The following ABTB3 variants were observed in gnomAD, a reference collection of about 807,000 sequenced individuals.
ABTB3 encodes ankyrin repeat- and BTB/POZ domain-containing protein 3.
chr12:107,568,600 G>T, the ABTB3 span, among the ~76,000 whole-genome samples: 39,402 of 152,000 alleles, frequency 0.26, 5,229 homozygotes, highest in East Asian at 0.32. Context: ...TAGCCACTGA[G>T]GTTCGTAGCT....
At chr12:107,567,538 T>G in the ABTB3 span, among the ~76,000 whole-genome samples, 1 of 152,230 alleles carries the variant, frequency 6.6e-6, no homozygotes, top group African/African-American at 2.4e-5. Context: ...GCTTGTAGCC[T>G]AGGAGCAATA....
At chr12:107,364,533 C>T in the ABTB3 span, among the ~76,000 whole-genome samples, 1 of 151,992 alleles carries the variant, frequency 6.6e-6, no homozygotes, top group African/African-American at 2.4e-5. Flanking sequence ...TCAGGTGATC[C>T]GCCCGCTTCA....
At chr12:107,520,700 A>G in the ABTB3 span, 4 of 1,589,932 alleles carry the variant, frequency 2.5e-6, no homozygotes, top group South Asian at 4.5e-5. Context: ...GCCCGAAGTG[A>G]CACAATGTCC....
At chr12:107,620,215 G>C in the ABTB3 span, 1 of 1,597,692 alleles carries the variant, frequency 6.3e-7, no homozygotes, top group East Asian at 2.2e-5. Context: ...CAAAGCTGGA[G>C]GTTCCCAGAT....
At chr12:107,328,764 G>A in the ABTB3 span, among the ~76,000 whole-genome samples, 848 of 152,316 alleles carry the variant, frequency 5.6e-3, 9 homozygotes, top group African/African-American at 0.019. Context: ...AAGCCTGTGC[G>A]CTGAACTGCC....
At chr12:107,619,903 G>T in the ABTB3 span, 7 of 1,321,114 alleles carry the variant, frequency 5.3e-6, no homozygotes, top group African/African-American at 3.0e-5. Flanking sequence ...ATAAAAACTC[G>T]CCTGCTCCTC....
chr12:107,434,011 A>G, the ABTB3 span, among the ~76,000 whole-genome samples: 3 of 152,132 alleles, frequency 2.0e-5, no homozygotes, highest in Non-Finnish European at 4.4e-5. Context: ...TGAGGGCTCC[A>G]TCCTCATGAC....
chr12:107,606,134 G>C, the ABTB3 span, among the ~76,000 whole-genome samples: 1 of 152,144 alleles, frequency 6.6e-6, no homozygotes, highest in African/African-American at 2.4e-5. Context: ...GCAGGATGGG[G>C]GGTCAGGTCA....
At chr12:107,402,715 G>A in the ABTB3 span, among the ~76,000 whole-genome samples, 36 of 152,198 alleles carry the variant, frequency 2.4e-4, no homozygotes, top group Non-Finnish European at 4.0e-4. Context: ...CTGGTGGGAG[G>A]TTGTGGGCCT....
the ABTB3 span, among the ~76,000 whole-genome samples, chr12:107,417,351 C>G: frequency 6.6e-6 from 1 of 152,328 alleles, no homozygotes; most frequent in South Asian, 2.1e-4. Context: ...TCACCTCTTC[C>G]AGCTTGACTT....
At chr12:107,481,459 G>T in the ABTB3 span, among the ~76,000 whole-genome samples, 1 of 152,136 alleles carries the variant, frequency 6.6e-6, no homozygotes, top group Non-Finnish European at 1.5e-5. Context: ...TAGGACTTGG[G>T]TCACTGGTTG....
chr12:107,435,207 TGGAA>T, the ABTB3 span, among the ~76,000 whole-genome samples: 1 of 152,244 alleles, frequency 6.6e-6, no homozygotes, highest in African/African-American at 2.4e-5. Flanking sequence ...CATGTGTTTA[TGGAA>T]ATAGAATCAG....
chr12:107,499,790 A>T, the ABTB3 span, among the ~76,000 whole-genome samples: 6 of 151,490 alleles, frequency 4.0e-5, no homozygotes, highest in Middle Eastern at 3.4e-3. Context: ...GGTTCAAGCG[A>T]TTCTCCTGCC....
the ABTB3 span, among the ~76,000 whole-genome samples, chr12:107,484,409 A>T: frequency 6.6e-6 from 1 of 152,304 alleles, no homozygotes; most frequent in East Asian, 1.9e-4. Context: ...TTAAAGTAGG[A>T]GTTCAAAGAA....
chr12:107,352,175 G>A, the ABTB3 span, among the ~76,000 whole-genome samples: 1 of 152,306 alleles, frequency 6.6e-6, no homozygotes, highest in Non-Finnish European at 1.5e-5. Context: ...GGAGGCAGGT[G>A]CAGGGTGCTG....
the ABTB3 span, among the ~76,000 whole-genome samples, chr12:107,629,771 A>G: frequency 6.6e-6 from 1 of 152,206 alleles, no homozygotes; most frequent in East Asian, 1.9e-4. Flanking sequence ...CATCTGACCC[A>G]GCACAACCAC....
At chr12:107,348,574 A>C in the ABTB3 span, among the ~76,000 whole-genome samples, 1 of 152,188 alleles carries the variant, frequency 6.6e-6, no homozygotes, top group Non-Finnish European at 1.5e-5. Flanking sequence ...AAAATTAAAA[A>C]ATTATGCCAG....
the ABTB3 span, among the ~76,000 whole-genome samples, chr12:107,394,480 T>C: frequency 2.0e-5 from 3 of 152,164 alleles, no homozygotes; most frequent in Non-Finnish European, 4.4e-5. Context: ...TTAAGACCAG[T>C]TGAAGCTCAA....
chr12:107,540,744 G>A, the ABTB3 span, among the ~76,000 whole-genome samples: 2 of 152,124 alleles, frequency 1.3e-5, no homozygotes, highest in Non-Finnish European at 2.9e-5. Context: ...AGTACTTTGG[G>A]AGGCTGAGGC....
Sources: allele counts gnomAD v4.1 joint callset (sites outside exome capture counted in the v4.1 genomes callset), GRCh38; gene constraint gnomAD v4.1.1; transcripts MANE v1.5; gene names NCBI Gene and HGNC (gene_info 2026-07-23, HGNC 2026-07-21).